CSMD1: variants seen among roughly 807,000 people sequenced by gnomAD.
CSMD1 encodes the protein CUB and sushi domain-containing protein 1.
CSMD1 carries 213 observed loss-of-function variants against 417.5 expected under a neutral mutation model. The ratio of observed to expected loss-of-function variants is 0.51; its 90% CI spans 0.46 to 0.57. The LOEUF is 0.57. Among genes scored for constraint, CSMD1 ranks in the 20% least tolerant of loss-of-function variants. The pLI is 0.00. For missense variants in CSMD1, 6,923 were observed against 4,529.7 expected (o/e 1.53, Z -15.17); for synonymous variants, 2,862 against 1,736.8 (o/e 1.65, Z -16.11).
At chr8:3,558,272 A>G (rs1244980062) in intron 10 of CSMD1, among the ~76,000 whole-genome samples, 2 of 150,174 alleles carry the variant, frequency 1.3e-5, no homozygotes, top group African/African-American at 4.9e-5. Context: ...CCACTCCTCC[A>G]GTGATGAATG....
chr8:4,126,156 C>A (rs921256213), intron 3 of CSMD1, among the ~76,000 whole-genome samples: 1 of 152,174 alleles, frequency 6.6e-6, no homozygotes, highest in Non-Finnish European at 1.5e-5. Context: ...GCACTACCCA[C>A]TTCCCAAGCC....
chr8:3,454,398 T>C (rs964728898), intron 12 of CSMD1, among the ~76,000 whole-genome samples: 2 of 152,354 alleles, frequency 1.3e-5, no homozygotes. Context: ...AGGCAGTTTC[T>C]TCCTAGCATC....
intron 41 of CSMD1, among the ~76,000 whole-genome samples, chr8:3,140,869 A>G (rs982671161): frequency 6.6e-6 from 1 of 152,222 alleles, no homozygotes; most frequent in Non-Finnish European, 1.5e-5. Context: ...TGATGATGCA[A>G]ACTTTTCTTA....
chr8:3,054,831 A>G (rs1314193139), intron 49 of CSMD1, among the ~76,000 whole-genome samples: 1 of 152,200 alleles, frequency 6.6e-6, no homozygotes, highest in African/African-American at 2.4e-5. Flanking sequence ...AATAATAAAT[A>G]ATCATCTTTG....
At chr8:3,236,790 T>A (rs1799179101) in intron 26 of CSMD1, among the ~76,000 whole-genome samples, 1 of 152,210 alleles carries the variant, frequency 6.6e-6, no homozygotes, top group African/African-American at 2.4e-5. Flanking sequence ...TTCTAGTTTC[T>A]TGCCATAAAA....
chr8:3,701,415 C>G (rs902425860), intron 7 of CSMD1, among the ~76,000 whole-genome samples: 1 of 152,016 alleles, frequency 6.6e-6, no homozygotes, highest in African/African-American at 2.4e-5. Context: ...AAAGTCTGTC[C>G]CCGGGCTGAA....
chr8:4,987,956 T>C (rs1811267071), intron 1 of CSMD1, among the ~76,000 whole-genome samples: 1 of 152,220 alleles, frequency 6.6e-6, no homozygotes, highest in Admixed American at 6.5e-5. Context: ...ACTGCACTGT[T>C]GACTTCCTTG....
chr8:3,913,888 T>A (rs1808624911), intron 5 of CSMD1, among the ~76,000 whole-genome samples: 1 of 152,204 alleles, frequency 6.6e-6, no homozygotes, highest in Non-Finnish European at 1.5e-5. Flanking sequence ...TTACCTCGAC[T>A]GTTTTTTGTC....
Position 4,452,796 on chromosome 8 carries a change from A to G in CSMD1, c.303-32731T>C, listed in dbSNP as rs10099249. Among the ~76,000 whole-genome samples the G allele has an allele frequency of 4.2e-3, 635 of 152,298 alleles. 7 individuals are homozygous for G. The highest frequency in any genetic ancestry group is 0.015 in the African/African-American group (618 of 41,560). ...AAATCCAATAAAGTTTATTGGATTA[A>G]TAACAAAAATCCCCCAGTCCTCAAT... On this transcript the variant is annotated intron_variant, in intron 2 of 69. Coordinates refer to ENST00000635120, the MANE Select transcript of CSMD1 (RefSeq NM_033225.6).
intron 2 of CSMD1, among the ~76,000 whole-genome samples, chr8:4,556,314 G>T (rs1286652033): frequency 2.6e-5 from 4 of 152,218 alleles, no homozygotes; most frequent in South Asian, 2.1e-4. Context: ...TTGTAAAATA[G>T]TATAGAATAC....
chr8:3,250,229 C>G (rs1428381650), intron 26 of CSMD1, among the ~76,000 whole-genome samples: 1 of 152,110 alleles, frequency 6.6e-6, no homozygotes, highest in Non-Finnish European at 1.5e-5. Flanking sequence ...CCACAACAGG[C>G]CCCAGTGTGT....
intron 37 of CSMD1, among the ~76,000 whole-genome samples, chr8:3,163,112 A>C (rs1286001656): frequency 6.6e-6 from 1 of 152,234 alleles, no homozygotes; most frequent in East Asian, 1.9e-4. Flanking sequence ...TCTAAAGTGT[A>C]CAGCATTGGA....
At chr8:4,044,052 G>C (rs910772449) in intron 3 of CSMD1, among the ~76,000 whole-genome samples, 1 of 152,040 alleles carries the variant, frequency 6.6e-6, no homozygotes, top group Non-Finnish European at 1.5e-5. Context: ...ATAATTAGGA[G>C]ACTGGGGTTC....
At chr8:4,680,436 G>A (rs1205935701) in intron 1 of CSMD1, among the ~76,000 whole-genome samples, 3 of 152,140 alleles carry the variant, frequency 2.0e-5, no homozygotes, top group African/African-American at 4.8e-5. Flanking sequence ...TACATTGAGT[G>A]ACGTACCATG....
chr8:3,615,128 G>T (rs1182619793), intron 8 of CSMD1, among the ~76,000 whole-genome samples: 1 of 152,138 alleles, frequency 6.6e-6, no homozygotes, highest in African/African-American at 2.4e-5. Flanking sequence ...TTAGCTGCCA[G>T]CTGGTGCATC....
rs993700889 is a variant in CSMD1 at position 4,440,585 on chromosome 8, A to T, written c.303-20520T>A. Among the ~76,000 whole-genome samples the T allele has an allele frequency of 2.0e-5, 3 of 152,196 alleles. No individual in the cohort carries two copies. The South Asian group carries it at 6.2e-4, about 32-fold the overall frequency. On this transcript the variant is annotated intron_variant, in intron 2 of 69. Coordinates refer to ENST00000635120, the MANE Select transcript of CSMD1 (RefSeq NM_033225.6). The stretch of plus-strand genomic sequence containing the variant: ...TGTAATTTTCAAAGATGCAAAACCA[A>T]CTTTAGCATTTTCTCTGGAAAGATA...
intron 3 of CSMD1, among the ~76,000 whole-genome samples, chr8:4,338,436 G>A (rs1585261609): frequency 6.6e-6 from 1 of 152,108 alleles, no homozygotes. Flanking sequence ...TCAGAGCCAT[G>A]CAAACAAGAA....
intron 5 of CSMD1, among the ~76,000 whole-genome samples, chr8:3,757,564 A>G (rs2469412): frequency 0.91 from 138,410 of 152,184 alleles, 62,954 homozygotes; most frequent in Admixed American, 0.94. Flanking sequence ...GCATATATGA[A>G]GCGATTTGTA....
chr8:4,095,233 C>G (rs1563117040), intron 3 of CSMD1, among the ~76,000 whole-genome samples: 2 of 152,162 alleles, frequency 1.3e-5, no homozygotes, highest in South Asian at 2.1e-4. Context: ...TTAACTCAGG[C>G]TGATCTTTCA....
Sources: allele counts gnomAD v4.1 joint callset (sites outside exome capture counted in the v4.1 genomes callset), GRCh38; gene constraint gnomAD v4.1.1; transcripts MANE v1.5; gene names NCBI Gene and HGNC (gene_info 2026-07-23, HGNC 2026-07-21).